PALM2AKAP2: variants seen among roughly 807,000 people sequenced by gnomAD.
PALM2AKAP2 encodes the protein PALM2-AKAP2 fusion protein.
Under a neutral mutation model 71.5 loss-of-function variants are expected in PALM2AKAP2, and 37 were observed. The observed-to-expected ratio is 0.52, with a 90% CI of 0.40 to 0.68. The LOEUF is 0.68. PALM2AKAP2 is among the 30% of genes least tolerant of loss of function. The probability of loss-of-function intolerance (pLI) is 0.00; values close to 1 mark genes in which losing one functional copy is unlikely to be tolerated. For missense variants in PALM2AKAP2, 1,224 were observed against 1,191.8 expected (o/e 1.03, Z -0.40); for synonymous variants, 468 against 478.8 (o/e 0.98, Z 0.29).
In PALM2AKAP2 at chr9:110,162,090, C is replaced by T; in HGVS notation, c.2748+5593C>T. The T allele has an allele frequency of 6.2e-7, 1 of 1,613,942 alleles. No homozygotes were observed. The highest frequency in any genetic ancestry group is 1.3e-5 in the African/African-American group (1 of 74,974). On this transcript the variant is annotated intron_variant, in intron 3 of 3. Transcript: ENST00000374525. ...CTAACCCTGGTCTTTTCCCTCTCTG[C>T]CAGTACACTTCTAAGTTACTGTCTT...
chr9:109,756,645 G>A (rs1219682859), intron 1 of PALM2AKAP2, among the ~76,000 whole-genome samples: 1 of 152,126 alleles, frequency 6.6e-6, no homozygotes, highest in Non-Finnish European at 1.5e-5. Flanking sequence ...TTATCTGAGT[G>A]CCAGTTGTGG....
chr9:109,873,442 AAAAAT>A (rs58267168), intron 2 of PALM2AKAP2, among the ~76,000 whole-genome samples: 11,749 of 142,852 alleles, frequency 0.082, 675 homozygotes, highest in African/African-American at 0.17. Context: ...TCTCAAATTA[AAAAAT>A]AAAATAAAAT....
chr9:109,713,471 A>G lies in PALM2AKAP2; in HGVS notation c.6-67017A>G, dbSNP rs75135778. Among the ~76,000 whole-genome samples, 368 of 152,312 alleles carry G rather than the reference A, an allele frequency of 2.4e-3. 3 individuals are homozygous for G. Among genetic ancestry groups the G allele is most frequent in the African/African-American group, 8.3e-3 (347 of 41,572 alleles). On this transcript the variant is annotated intron_variant, in intron 1 of 6. Coordinates refer to the PALM2AKAP2 transcript ENST00000374531. Reference sequence around the variant, plus strand: ...ATGATATATTTCATAGCTGTCCTGTATTATGTCAGGGAATACTATTTTTCT... The same window carrying G: ...ATGATATATTTCATAGCTGTCCTGTGTTATGTCAGGGAATACTATTTTTCT...
At chr9:109,869,160 C>A (rs1829536851) in intron 2 of PALM2AKAP2, among the ~76,000 whole-genome samples, 1 of 152,118 alleles carries the variant, frequency 6.6e-6, no homozygotes, top group Non-Finnish European at 1.5e-5. Context: ...CTTTTGTATT[C>A]CCTGAATCCA....
intron 2 of PALM2AKAP2, among the ~76,000 whole-genome samples, chr9:109,875,776 T>C (rs930779149): frequency 6.6e-6 from 1 of 152,218 alleles, no homozygotes; most frequent in Non-Finnish European, 1.5e-5. Flanking sequence ...GTGGTCCTTA[T>C]GCATACTGAA....
At chr9:109,878,924 A>G (rs931253794) in intron 2 of PALM2AKAP2, among the ~76,000 whole-genome samples, 1 of 152,136 alleles carries the variant, frequency 6.6e-6, no homozygotes, top group Non-Finnish European at 1.5e-5. Flanking sequence ...TTTAGTTGAC[A>G]TGGGGTTTCT....
intron 2 of PALM2AKAP2, among the ~76,000 whole-genome samples, chr9:110,140,922 A>C (rs969252292): frequency 3.3e-5 from 5 of 152,168 alleles, no homozygotes; most frequent in African/African-American, 1.2e-4. Context: ...TGACTTTCTT[A>C]ATATATGCCA....
chr9:109,765,361 G>A (rs1829131665), intron 1 of PALM2AKAP2: 1 of 152,254 alleles, frequency 6.6e-6, no homozygotes, highest in African/African-American at 2.4e-5. Flanking sequence ...ATTGTGATGA[G>A]TTAAATACTA....
At chr9:109,667,768 G>T (rs1259506054) in intron 1 of PALM2AKAP2, among the ~76,000 whole-genome samples, 1 of 152,082 alleles carries the variant, frequency 6.6e-6, no homozygotes, top group African/African-American at 2.4e-5. Context: ...ACTCCAGCCT[G>T]GGCATTGGAG....
chr9:110,114,494 T>C (rs1201398299), intron 1 of PALM2AKAP2, among the ~76,000 whole-genome samples: 1 of 152,166 alleles, frequency 6.6e-6, no homozygotes, highest in Non-Finnish European at 1.5e-5. Flanking sequence ...TCAGTACTTA[T>C]TATACCCATT....
intron 6 of PALM2AKAP2, among the ~76,000 whole-genome samples, chr9:109,996,459 C>G (rs1182770793): frequency 6.6e-6 from 1 of 152,226 alleles, no homozygotes; most frequent in African/African-American, 2.4e-5. Context: ...AGGACTGGCA[C>G]AGGCTAGCCA....
intron 6 of PALM2AKAP2, among the ~76,000 whole-genome samples, chr9:109,967,128 T>C (rs965711455): frequency 1.3e-5 from 2 of 152,176 alleles, no homozygotes; most frequent in African/African-American, 4.8e-5. Context: ...AGAGTCATCC[T>C]GAAGGCTTCC....
chr9:109,992,868 A>G (rs1330709763), intron 6 of PALM2AKAP2, among the ~76,000 whole-genome samples: 1 of 151,816 alleles, frequency 6.6e-6, no homozygotes, highest in South Asian at 2.1e-4. Context: ...TGTCACATGC[A>G]CGGAAGCATA....
chr9:110,009,531 G>A (rs1393946560), intron 6 of PALM2AKAP2, among the ~76,000 whole-genome samples: 3 of 151,930 alleles, frequency 2.0e-5, no homozygotes, highest in African/African-American at 7.3e-5. Flanking sequence ...TGGTTAACAT[G>A]GTGAAACCCT....
At chr9:109,876,868 A>G (rs925806738) in intron 2 of PALM2AKAP2, among the ~76,000 whole-genome samples, 4 of 151,948 alleles carry the variant, frequency 2.6e-5, no homozygotes, top group African/African-American at 9.7e-5. Flanking sequence ...TCAAGAAAAG[A>G]GATGGAAGTA....
upstream of PALM2AKAP2, among the ~76,000 whole-genome samples, chr9:109,779,628 A>C (rs1587905423): frequency 1.3e-5 from 2 of 151,688 alleles, no homozygotes; most frequent in Non-Finnish European, 1.5e-5. Flanking sequence ...AGGACTAAAA[A>C]CTCTCGGCTT....
At chr9:109,782,736 GTGTT>G (rs1050259023) in intron 1 of PALM2AKAP2, among the ~76,000 whole-genome samples, 10 of 134,936 alleles carry the variant, frequency 7.4e-5, no homozygotes, top group Admixed American at 3.8e-4. Context: ...CTAACAGCGT[GTGTT>G]TGTTTGTGTG....
At chr9:109,801,904 G>A (rs540477106) in intron 1 of PALM2AKAP2, among the ~76,000 whole-genome samples, 1 of 152,218 alleles carries the variant, frequency 6.6e-6, no homozygotes, top group African/African-American at 2.4e-5. Context: ...GCCTTTTCCT[G>A]GACTAATGAG....
chr9:109,940,586 G>A (rs1831336767), intron 6 of PALM2AKAP2, among the ~76,000 whole-genome samples: 1 of 152,118 alleles, frequency 6.6e-6, no homozygotes, highest in Non-Finnish European at 1.5e-5. Flanking sequence ...TCTTAACACA[G>A]GGAACTTATT....
Sources: gnomAD v4.1 joint callset for allele counts (sites outside exome capture counted in the v4.1 genomes callset) on GRCh38, gnomAD v4.1.1 for gene constraint, MANE v1.5 for transcripts, NCBI Gene and HGNC (gene_info 2026-07-23, HGNC 2026-07-21) for gene names.